The following CFAP54 variants were observed in gnomAD, a reference collection of about 807,000 sequenced individuals.
The protein encoded by CFAP54 is cilia- and flagella-associated protein 54.
CFAP54 carries 290 observed loss-of-function variants against 370.4 expected under a neutral mutation model. The observed-to-expected ratio is 0.78, with a 90% confidence interval of 0.71 to 0.86. CFAP54 has a LOEUF of 0.86. CFAP54 is among the 40% of genes least tolerant of loss of function. The pLI, the probability that CFAP54 is intolerant of heterozygous loss-of-function variation, is 0.00. For missense variants in CFAP54, 3,399 were observed against 3,528.7 expected (o/e 0.96, Z 0.93); for synonymous variants, 1,206 against 1,236.5 (o/e 0.98, Z 0.52).
intron 1 of CFAP54, among the ~76,000 whole-genome samples, chr12:96,490,177 A>T (rs984428532): frequency 9.2e-5 from 14 of 152,222 alleles, no homozygotes; most frequent in African/African-American, 3.4e-4. Flanking sequence ...ATGTTTCATA[A>T]CTCACCATTT....
At position 96,727,850 on chromosome 12, in the gene CFAP54, G is replaced by T. The variant is rs1349219478; in HGVS notation, c.6965+7285G>T. Among the ~76,000 whole-genome samples the T allele has an allele frequency of 2.6e-5, 4 of 151,356 alleles. No individual in the cohort carries two copies. In the East Asian group the frequency reaches 7.8e-4, roughly 30 times the overall value. ...TTTCCATGTTTAGTGCTTCCTTCAGGAGCTCTTTTAGGGCAGGCCTGGTGG... is the reference window on the plus strand; with the variant it reads ...TTTCCATGTTTAGTGCTTCCTTCAGTAGCTCTTTTAGGGCAGGCCTGGTGG... On this transcript the variant is annotated intron_variant, in intron 50 of 67. Transcript: ENST00000524981.
Position 96,829,933 on chromosome 12 carries a change from G to A in CFAP54, c.9171+845G>A, listed in dbSNP as rs139206812. 1.7e-3 allele frequency among the ~76,000 whole-genome samples: 262 copies of A among 151,956 alleles called. 3 individuals are homozygous for A. The highest frequency in any genetic ancestry group is 9.1e-3 in the South Asian group (44 of 4,826). ...CCTCTATTCTACTTTCTGTCTCTAC[G>A]AATTTGTCTATTCTAGGTATCTCAT... On this transcript the variant is annotated intron_variant, in intron 66 of 67. Transcript: ENST00000524981.
chr12:96,677,844 G>A (rs1466777810), intron 39 of CFAP54, among the ~76,000 whole-genome samples: 2 of 152,130 alleles, frequency 1.3e-5, no homozygotes, highest in Non-Finnish European at 2.9e-5. Flanking sequence ...GAAAGATGCT[G>A]TCTCTGTGGC....
At chr12:96,565,319 G>A (rs1955856046) in intron 19 of CFAP54, among the ~76,000 whole-genome samples, 1 of 152,036 alleles carries the variant, frequency 6.6e-6, no homozygotes. Flanking sequence ...CTGCAGCTTT[G>A]AACTCCTGGG....
At position 96,685,975 on chromosome 12, in the gene CFAP54, G is replaced by A. The variant is rs115904382; in HGVS notation, c.6014+737G>A. ...ACTAGAAACCAGTTACTTTCAACAA[G>A]TTTCACATTCCTTCTGAGCCTCAGT... On this transcript the variant is annotated intron_variant, in intron 42 of 67. Coordinates refer to ENST00000524981, the MANE Select transcript of CFAP54 (RefSeq NM_001306084.2). Among the ~76,000 whole-genome samples the A allele has an allele frequency of 5.3e-3, 801 of 152,300 alleles. 7 individuals carry two copies. Among genetic ancestry groups the A allele is most frequent in the African/African-American group, 0.018 (759 of 41,566 alleles).
chr12:96,836,032 T>C (rs546502971), intron 66 of CFAP54, among the ~76,000 whole-genome samples: 1 of 152,212 alleles, frequency 6.6e-6, no homozygotes, highest in African/African-American at 2.4e-5. Context: ...AACAGAAAGA[T>C]AGCCACAGCA....
intron 34 of CFAP54, among the ~76,000 whole-genome samples, chr12:96,648,439 G>A (rs920438026): frequency 3.3e-5 from 5 of 152,012 alleles, no homozygotes; most frequent in African/African-American, 1.2e-4. Context: ...AGCTGATTTT[G>A]TATTCAGGGG....
intron 15 of CFAP54, among the ~76,000 whole-genome samples, chr12:96,548,374 T>C (rs373823731): frequency 7.2e-4 from 109 of 152,354 alleles, no homozygotes; most frequent in African/African-American, 2.6e-3. Context: ...ATGACTTTAC[T>C]TGGTTTTTAA....
chr12:96,717,791 A>T (rs917210009), intron 48 of CFAP54, among the ~76,000 whole-genome samples: 1 of 152,186 alleles, frequency 6.6e-6, no homozygotes, highest in African/African-American at 2.4e-5. Context: ...AAATATCTGG[A>T]AGAGGGCTTT....
intron 38 of CFAP54, among the ~76,000 whole-genome samples, chr12:96,662,604 A>G (rs542157263): frequency 6.6e-6 from 1 of 152,324 alleles, no homozygotes; most frequent in African/African-American, 2.4e-5. Context: ...TTCCCACCCT[A>G]TTCAGAGTAA....
chr12:96,823,957 C>T lies in CFAP54; in HGVS notation c.9097-5057C>T, dbSNP rs56310943. Reference sequence around the variant, plus strand: ...GAAAGCAACTTAGGAAGTTTTTTCTCCCCCCACCCACATTATAGATGAAGG... The same window carrying T: ...GAAAGCAACTTAGGAAGTTTTTTCTTCCCCCACCCACATTATAGATGAAGG... On this transcript the variant is annotated intron_variant, in intron 65 of 67. Coordinates refer to ENST00000524981, the MANE Select transcript of CFAP54 (RefSeq NM_001306084.2). Among the ~76,000 whole-genome samples, 1,133 of 152,050 alleles carry T rather than the reference C, an allele frequency of 7.5e-3. 14 individuals carry two copies. Among genetic ancestry groups the T allele is most frequent in the African/African-American group, 0.026 (1,064 of 41,492 alleles).
chr12:96,740,035 G>A lies in CFAP54; in HGVS notation c.7045G>A (p.Glu2349Lys), dbSNP rs115819507. ...AAAGAAGGTAGTACAGGATGACACA[G>A]AGAATCCTGTCTCTCCAGGAACTTC... ...FEKKVVQDDTENPVSPGTSVT... is the reference protein window; with the variant it reads ...FEKKVVQDDTKNPVSPGTSVT... The change falls in exon 51 of 68, where the codon GAG becomes AAG. Residue 2349 changes from glutamate (E) to lysine (K), a missense_variant. Transcript: ENST00000524981. 3.0e-3 allele frequency: 4,820 copies of A among 1,601,054 alleles called. 16 individuals are homozygous for A. Among genetic ancestry groups the A allele is most frequent in the South Asian group, 6.1e-3 (552 of 90,238 alleles).
rs530946146 is a variant in CFAP54 at position 96,559,645 on chromosome 12, T to C, written c.2411-4823T>C. Among the ~76,000 whole-genome samples the C allele has an allele frequency of 1.1e-4, 16 of 152,228 alleles. No individual in the cohort carries two copies. The South Asian group carries it at 3.3e-3, about 32-fold the overall frequency. On this transcript the variant is annotated intron_variant, in intron 17 of 67. Coordinates refer to ENST00000524981, the MANE Select transcript of CFAP54 (RefSeq NM_001306084.2). The stretch of plus-strand genomic sequence containing the variant: ...TAGATGTATATACCTATTATATCAA[T>C]ATCATATTATGTATGTGTAGAGATA...
At chr12:96,715,936 A>G (rs1176651759) in intron 48 of CFAP54, among the ~76,000 whole-genome samples, 2 of 152,124 alleles carry the variant, frequency 1.3e-5, no homozygotes, top group African/African-American at 4.8e-5. Context: ...ATAACATAGC[A>G]GCTAGTTCAC....
rs2136702405 is a variant in CFAP54 at position 96,792,310 on chromosome 12, G to A, written c.8680-19G>A. 6.8e-7 allele frequency: 1 copy of A among 1,465,912 alleles called. No homozygotes were observed. Among genetic ancestry groups the A allele is most frequent in the Non-Finnish European group, 9.0e-7 (1 of 1,111,530 alleles). The allele number at this position is 1,465,912 out of a possible 1,614,324, so 90.8% of individuals were successfully genotyped here. A position where few individuals can be genotyped will look rare whatever the true frequency, so the allele number is the denominator to read the frequency against. ...ATTTATTACCAGTAATTAAACTGAT[G>A]TTTTTGTTTGTTCCCTAGTTGTATC... On this transcript the variant is annotated intron_variant, in intron 62 of 67. Transcript: ENST00000524981.
chr12:96,736,635 C>G (rs780528004), intron 50 of CFAP54, among the ~76,000 whole-genome samples: 13 of 152,084 alleles, frequency 8.5e-5, no homozygotes, highest in Non-Finnish European at 1.5e-4. Context: ...GTCCAGACAT[C>G]TTTAAAACTA....
chr12:96,635,857 C>G (rs552646935), intron 32 of CFAP54, among the ~76,000 whole-genome samples: 1 of 152,342 alleles, frequency 6.6e-6, no homozygotes, highest in Non-Finnish European at 1.5e-5. Flanking sequence ...CAGACGGCTT[C>G]TGAGCACAGG....
intron 39 of CFAP54, among the ~76,000 whole-genome samples, chr12:96,674,596 G>C (rs1489902764): frequency 6.6e-6 from 1 of 151,602 alleles, no homozygotes; most frequent in African/African-American, 2.4e-5. Context: ...AAGATCTGCA[G>C]GGCTTGAAAA....
At position 96,810,594 on chromosome 12, in the gene CFAP54, C is replaced by T. The variant is rs148588245; in HGVS notation, c.8851-1142C>T. On this transcript the variant is annotated intron_variant, in intron 63 of 67. Coordinates refer to ENST00000524981, the MANE Select transcript of CFAP54 (RefSeq NM_001306084.2). The stretch of plus-strand genomic sequence containing the variant: ...ACAAGAGAATGATTACCCAATTACT[C>T]ATACCGGAACTGAATGGACCCAAAG... 2.6e-3 allele frequency among the ~76,000 whole-genome samples: 396 copies of T among 152,230 alleles called. 1 individual carries two copies. The highest frequency in any genetic ancestry group is 9.2e-3 in the African/African-American group (384 of 41,554).
Sources: allele counts gnomAD v4.1 joint callset (sites outside exome capture counted in the v4.1 genomes callset), GRCh38; gene constraint gnomAD v4.1.1; transcripts MANE v1.5; gene names NCBI Gene and HGNC (gene_info 2026-07-23, HGNC 2026-07-21).